Variants in SELENOH observed in about 807,000 individuals in gnomAD.
SELENOH encodes the protein selenoprotein H.
In SELENOH, 13 loss-of-function variants were observed where a neutral mutation model predicts 11.9. That is an observed-to-expected ratio of 1.09 (90% CI 0.71 to 1.74). SELENOH has a LOEUF of 1.74. SELENOH is among the 40% of genes most tolerant of loss of function. SELENOH has a pLI of 0.00. For synonymous variants in SELENOH, 96 were observed against 73.5 expected (o/e 1.31, Z -1.56); for missense variants, 223 against 170.3 (o/e 1.31, Z -1.72).
At chr11:57,742,595 G>T in intron 3 of SELENOH, 1 of 256,832 alleles carries the variant, frequency 3.9e-6, no homozygotes, top group South Asian at 4.9e-5. Flanking sequence ...TTGGTTCTTG[G>T]GTGTTCTGTT....
Position 57,741,714 on chromosome 11 carries a change from A to G in SELENOH, c.119A>G (p.His40Arg). 6.4e-7 allele frequency: 1 copy of G among 1,570,256 alleles called. No homozygotes were observed. The change falls in exon 1 of 4, where the codon CAT becomes CGT. Residue 40 changes from histidine (H) to arginine (R), a missense_variant. By Grantham distance (29) the His-to-Arg change is conservative (BLOSUM62 0). Coordinates refer to ENST00000534355, the MANE Select transcript of SELENOH (RefSeq NM_170746.4). Reference protein sequence around the residue: ...GMEEATVVIEHCTSURVYGRN... With the variant: ...GMEEATVVIERCTSURVYGRN... The stretch of plus-strand genomic sequence containing the variant: ...GAGGAGGCGACCGTTGTTATCGAGC[A>G]TTGGTGAGGGGCCTGGAGAGTAACG...
chr11:57,741,788 A>G (rs761455323), intron 1 of SELENOH, 21 bp from the exon 2 acceptor site: 3 of 1,603,266 alleles, frequency 1.9e-6, no homozygotes, highest in Non-Finnish European at 2.6e-6. Flanking sequence ...CCCGGTTTCT[A>G]ACCTCTCCGT....
rs549110995 is a variant in SELENOH at position 57,742,457 on chromosome 11, T to G, written c.*30+210T>G. The G allele has an allele frequency of 5.8e-6, 3 of 513,646 alleles. No individual in the cohort carries two copies. In the Admixed American group the frequency reaches 1.0e-4, roughly 18 times the overall value. The allele number at this position is 513,646 out of a possible 1,614,324, so 31.8% of individuals were successfully genotyped here. A position where few individuals can be genotyped will look rare whatever the true frequency, so the allele number is the denominator to read the frequency against. On this transcript the variant is annotated intron_variant, in intron 3 of 3. Transcript: ENST00000534355. The stretch of plus-strand genomic sequence containing the variant: ...AGACACAATATTGTTTTCTGTCTAG[T>G]GTGCCCTAAGTGGAATTTATGTCCT...
chr11:57,741,897 C>A lies in SELENOH; in HGVS notation c.211C>A (p.Pro71Thr). The change falls in exon 2 of 4, where the codon CCG becomes ACG. Residue 71 changes from proline (P) to threonine (T), a missense_variant. Coordinates refer to ENST00000534355, the MANE Select transcript of SELENOH (RefSeq NM_170746.4). ...CCCAGAGCTTCCAGTAAAGGTGAAC[C>A]CGACGAAGCCCCGGAGGGGCAGCTT... ...EAPELPVKVN[P>T]TKPRRGSFEV... The A allele has an allele frequency of 6.3e-7, 1 of 1,594,062 alleles. No homozygotes were observed. Among genetic ancestry groups the A allele is most frequent in the South Asian group, 1.1e-5 (1 of 87,866 alleles).
Position 57,741,594 on chromosome 11 carries a change from C to T in SELENOH, c.-2C>T, listed in dbSNP as rs1456173997. The T allele has an allele frequency of 2.4e-6, 3 of 1,267,686 alleles. No individual in the cohort carries two copies. Among genetic ancestry groups the T allele is most frequent in the Admixed American group, 3.9e-5 (1 of 25,906 alleles). 78.5% of individuals were successfully genotyped at this position (1,267,686 alleles called of 1,614,324 possible). A position where few individuals can be genotyped will look rare whatever the true frequency, so the allele number is the denominator to read the frequency against. On this transcript the variant is annotated 5_prime_UTR_variant, in exon 1 of 4. Transcript: ENST00000534355. ...TGCATTCTCGGCCGGGCTCTAGGCGCCATGGCTCCCCGCGGGAGGAAGCGT... is the reference window on the plus strand; with the variant it reads ...TGCATTCTCGGCCGGGCTCTAGGCGTCATGGCTCCCCGCGGGAGGAAGCGT...
In SELENOH at chr11:57,741,810, A is replaced by G. The variant is rs749751894; in HGVS notation, c.124A>G (p.Thr42Ala). ...EEATVVIEHC[T>A]SURVYGRNAA... ...TCTAACCTCTCCGTCTCTCCCTAGC[A>G]CTAGCTGACGCGTCTATGGGCGCAA... The change falls in exon 2 of 4, where the codon ACT becomes GCT. Residue 42 changes from threonine (T) to alanine (A), a missense_variant and splice_region_variant. Transcript: ENST00000534355. 4 of 1,605,704 alleles carry G rather than the reference A, an allele frequency of 2.5e-6. No homozygotes were observed. In the South Asian group the frequency reaches 3.3e-5, roughly 13 times the overall value.
At chr11:57,742,396 C>T (rs1949108334) in intron 3 of SELENOH, 149 bp downstream of exon 3, 8 of 609,194 alleles carry the variant, frequency 1.3e-5, no homozygotes, top group Non-Finnish European at 2.0e-5. Context: ...ATGGCCAACA[C>T]AGGGAGACCC....
Position 57,742,263 on chromosome 11 carries a change from TGGG to T in SELENOH, c.*30+20_*30+22del. 6.6e-7 allele frequency: 1 copy of T among 1,522,778 alleles called. No homozygotes were observed. Among genetic ancestry groups the T allele is most frequent in the Non-Finnish European group, 9.0e-7 (1 of 1,115,164 alleles). 94.3% of individuals were successfully genotyped at this position (1,522,778 alleles called of 1,614,324 possible). On this transcript the variant is annotated intron_variant, in intron 3 of 3. Coordinates refer to ENST00000534355, the MANE Select transcript of SELENOH (RefSeq NM_170746.4). Reference sequence around the variant, plus strand: ...TCATGCTGAGGTTTGAAATGGGAAGTGGGGGGCGCGACCGCTGTTGAGGAAGAG... The same window carrying T: ...TCATGCTGAGGTTTGAAATGGGAAGTGGGCGCGACCGCTGTTGAGGAAGAG...
chr11:57,741,809 C>A lies in SELENOH; in HGVS notation c.123C>A (p.Cys41Ter), dbSNP rs753100093. Residue 41 changes from cysteine (C) to a stop codon, truncating the protein, a stop_gained and splice_region_variant, in exon 2 of 4, where the codon TGC becomes TGA. Coordinates refer to ENST00000534355, the MANE Select transcript of SELENOH (RefSeq NM_170746.4). LOFTEE classifies it high-confidence loss of function. ...MEEATVVIEHCTSURVYGRNA... is the reference protein window; with the variant it reads ...MEEATVVIEH The stretch of plus-strand genomic sequence containing the variant: ...TTCTAACCTCTCCGTCTCTCCCTAG[C>A]ACTAGCTGACGCGTCTATGGGCGCA... 10 of 1,605,424 alleles carry A rather than the reference C, an allele frequency of 6.2e-6. No individual in the cohort carries two copies. The highest frequency in any genetic ancestry group is 8.5e-6 in the Non-Finnish European group (10 of 1,176,238).
chr11:57,742,377 C>G (rs1467057639), intron 3 of SELENOH, 130 bp downstream of exon 3: 1 of 665,184 alleles, frequency 1.5e-6, no homozygotes, highest in East Asian at 2.7e-5. Flanking sequence ...GAGGTCGAGG[C>G]AGGAGTGGAT....
chr11:57,741,638 G>T lies in SELENOH; in HGVS notation c.43G>T (p.Val15Phe), dbSNP rs748961014. Residue 15 changes from valine (V) to phenylalanine (F), a missense_variant, in exon 1 of 4, where the codon GTC becomes TTC. Coordinates refer to ENST00000534355, the MANE Select transcript of SELENOH (RefSeq NM_170746.4). ...GRKRKAEAAV[V>F]AVAEKREKLA... The stretch of plus-strand genomic sequence containing the variant: ...GAAGCGTAAGGCTGAGGCCGCGGTG[G>T]TCGCCGTAGCCGAGAAGCGAGAGAA... 7.6e-7 allele frequency: 1 copy of T among 1,318,364 alleles called. No homozygotes were observed. The highest frequency in any genetic ancestry group is 9.8e-7 in the Non-Finnish European group (1 of 1,021,436). The allele number at this position is 1,318,364 out of a possible 1,614,324, so 81.7% of individuals were successfully genotyped here. A position where few individuals can be genotyped will look rare whatever the true frequency, so the allele number is the denominator to read the frequency against.
At chr11:57,742,354 C>A in intron 3 of SELENOH, 107 bp downstream of exon 3, 1 of 779,896 alleles carries the variant, frequency 1.3e-6, no homozygotes, top group Non-Finnish European at 2.1e-6. Flanking sequence ...CGCCTGCAAT[C>A]CCAGCACTCT....
rs1308626557 is a variant in SELENOH, at chr11:57,741,547, GC to G, written c.-43del. The stretch of plus-strand genomic sequence containing the variant: ...GTTTCCGCTCAGTGGTCGCGTCTCC[GC>G]CCCCCACCCACCAGTCCCGCTGCAT... On this transcript the variant is annotated 5_prime_UTR_variant, in exon 1 of 4. Coordinates refer to ENST00000534355, the MANE Select transcript of SELENOH (RefSeq NM_170746.4). 3.2e-6 allele frequency: 4 copies of G among 1,240,316 alleles called. No homozygotes were observed. Among genetic ancestry groups the G allele is most frequent in the South Asian group, 4.1e-5 (1 of 24,158 alleles). 76.8% of individuals were successfully genotyped at this position (1,240,316 alleles called of 1,614,324 possible). A position where few individuals can be genotyped will look rare whatever the true frequency, so the allele number is the denominator to read the frequency against.
chr11:57,741,736 A>G lies in SELENOH; in HGVS notation c.122+19A>G. 6.3e-7 allele frequency: 1 copy of G among 1,595,502 alleles called. No individual in the cohort carries two copies. The highest frequency in any genetic ancestry group is 8.5e-7 in the Non-Finnish European group (1 of 1,173,218). Reference sequence around the variant, plus strand: ...AGCATTGGTGAGGGGCCTGGAGAGTAACGGGAGAGAGGGAACAGTGGCGCC... The same window carrying G: ...AGCATTGGTGAGGGGCCTGGAGAGTGACGGGAGAGAGGGAACAGTGGCGCC... On this transcript the variant is annotated intron_variant, in intron 1 of 3. Coordinates refer to ENST00000534355, the MANE Select transcript of SELENOH (RefSeq NM_170746.4).
chr11:57,742,484 T>G (rs923102127), intron 3 of SELENOH: 2 of 459,244 alleles, frequency 4.4e-6, no homozygotes, highest in Non-Finnish European at 7.9e-6. Flanking sequence ...TTATGTCCTT[T>G]GGGAGACTGT....
At position 57,741,950 on chromosome 11, in the gene SELENOH, C is replaced by T; in HGVS notation, c.264C>T (p.Gly88=). The part of the protein sequence containing the change: ...SFEVTLLRPD[G]SSAELWTGIK... Reference sequence around the variant, plus strand: ...AGGTGACGCTGCTGCGCCCGGACGGCAGCAGTAAGTGGGGACCTGGATGTG... The same window carrying T: ...AGGTGACGCTGCTGCGCCCGGACGGTAGCAGTAAGTGGGGACCTGGATGTG... Residue 88 remains glycine, a synonymous_variant, in exon 2 of 4, where the codon GGC becomes GGT. Coordinates refer to ENST00000534355, the MANE Select transcript of SELENOH (RefSeq NM_170746.4). 2 of 1,587,552 alleles carry T rather than the reference C, an allele frequency of 1.3e-6. No homozygotes were observed. Among genetic ancestry groups the T allele is most frequent in the Non-Finnish European group, 1.7e-6 (2 of 1,171,102 alleles).
At chr11:57,742,720 T>C (rs540271357) in intron 3 of SELENOH, 143 bp from the exon 4 acceptor site, 14 of 157,214 alleles carry the variant, frequency 8.9e-5, no homozygotes, top group East Asian at 5.7e-4. Context: ...TCTGCACTTA[T>C]TATGTTGAGT....
At chr11:57,742,601 C>G (rs1050605189) in intron 3 of SELENOH, 2 of 252,630 alleles carry the variant, frequency 7.9e-6, no homozygotes, top group African/African-American at 4.4e-5. Context: ...CTTGGGTGTT[C>G]TGTTACTGTC....
rs1224766646 is a variant in SELENOH at position 57,743,391 on chromosome 11, T to C, written c.*559T>C. The C allele has an allele frequency of 1.3e-5, 2 of 152,114 alleles. No individual in the cohort carries two copies. Among genetic ancestry groups the C allele is most frequent in the African/African-American group, 4.8e-5 (2 of 41,404 alleles). The allele number at this position is 152,114 out of a possible 1,614,324, so 9.4% of individuals were successfully genotyped here. ...CCAGGCTGGTCTCAAACTCCTGACC[T>C]CAAGTGATATGCCTGCCTTGACCTC... On this transcript the variant is annotated 3_prime_UTR_variant, in exon 4 of 4. Transcript: ENST00000534355.
Sources: gnomAD v4.1 joint callset for allele counts on GRCh38, gnomAD v4.1.1 for gene constraint, MANE v1.5 for transcripts, NCBI Gene and HGNC (gene_info 2026-07-23, HGNC 2026-07-21) for gene names.